Variants in APAF1 observed in about 807,000 individuals in gnomAD.
APAF1 encodes apoptotic protease-activating factor 1.
Under a neutral mutation model 152.4 loss-of-function variants are expected in APAF1, and 91 were observed. The ratio of observed to expected loss-of-function variants is 0.60; its 90% CI spans 0.50 to 0.71. APAF1 has a LOEUF of 0.71. APAF1 is among the 30% of genes least tolerant of loss of function. The pLI, the probability that APAF1 is intolerant of heterozygous loss-of-function variation, is 0.00. For synonymous variants in APAF1, 484 were observed against 494.1 expected (o/e 0.98, Z 0.27); for missense variants, 1,283 against 1,472.0 (o/e 0.87, Z 2.10).
chr12:98,721,748 GA>G (rs1479589696), intron 22 of APAF1, among the ~76,000 whole-genome samples: 4 of 152,168 alleles, frequency 2.6e-5, no homozygotes, highest in Admixed American at 6.6e-5. Context: ...GAAGATGAGA[GA>G]TCTGAAAGCC....
chr12:98,732,833 G>A lies in APAF1; in HGVS notation c.*267G>A. Reference sequence around the variant, plus strand: ...TGAATACATACCTTGTTGTACTGTTGGTAAAATTCTGTCTTGATGCATTCA... The same window carrying A: ...TGAATACATACCTTGTTGTACTGTTAGTAAAATTCTGTCTTGATGCATTCA... On this transcript the variant is annotated 3_prime_UTR_variant, in exon 27 of 27. Coordinates refer to ENST00000551964, the MANE Select transcript of APAF1 (RefSeq NM_181861.2). 3 of 390,690 alleles carry A rather than the reference G, an allele frequency of 7.7e-6. No homozygotes were observed. The highest frequency in any genetic ancestry group is 1.4e-5 in the Non-Finnish European group (3 of 214,002). 24.2% of individuals were successfully genotyped at this position (390,690 alleles called of 1,614,324 possible).
chr12:98,715,550 C>G lies in APAF1; in HGVS notation c.3082C>G (p.Gln1028Glu). The G allele has an allele frequency of 6.2e-7, 1 of 1,613,346 alleles. No homozygotes were observed. Among genetic ancestry groups the G allele is most frequent in the South Asian group, 1.1e-5 (1 of 91,064 alleles). ...TTCAAGTTCTGATGATGCTGAAATT[C>G]AGGTGAGAGGGAGGATGAACTCTTA... ...LISSSDDAEI[Q>E]VWNWQLDKCI... The change falls in exon 22 of 27, where the codon CAG becomes GAG. Residue 1028 changes from glutamine (Q) to glutamate (E), a missense_variant and splice_region_variant. Transcript: ENST00000551964.
intron 4 of APAF1, among the ~76,000 whole-genome samples, chr12:98,650,668 G>T (rs2097647846): frequency 6.6e-6 from 1 of 152,000 alleles, no homozygotes; most frequent in Non-Finnish European, 1.5e-5. Context: ...TTTGTAAGTG[G>T]TATAGACTAT....
At chr12:98,666,079 A>T (rs575073263) in intron 8 of APAF1, 111 bp from the exon 9 acceptor site, 1 of 1,020,922 alleles carries the variant, frequency 9.8e-7, no homozygotes, top group Non-Finnish European at 1.5e-6. Flanking sequence ...AAATGGAGAC[A>T]TTCTTACTCA....
chr12:98,664,964 G>A lies in APAF1; in HGVS notation c.956-589G>A, dbSNP rs547238337. Among the ~76,000 whole-genome samples, 9 of 152,106 alleles carry A rather than the reference G, an allele frequency of 5.9e-5. No individual in the cohort carries two copies. In the South Asian group the frequency reaches 1.9e-3, roughly 31 times the overall value. On this transcript the variant is annotated intron_variant, in intron 7 of 26. Coordinates refer to ENST00000551964, the MANE Select transcript of APAF1 (RefSeq NM_181861.2). Reference sequence around the variant, plus strand: ...AACCACTTCTGTATTATTGGACATTGTTTACGTTGTTTAAGATTTTTTCAC... The same window carrying A: ...AACCACTTCTGTATTATTGGACATTATTTACGTTGTTTAAGATTTTTTCAC...
chr12:98,713,146 C>T (rs757331016), intron 21 of APAF1, among the ~76,000 whole-genome samples: 1 of 152,146 alleles, frequency 6.6e-6, no homozygotes, highest in Non-Finnish European at 1.5e-5. Flanking sequence ...CTAAATAAAT[C>T]TTTCTGTGAT....
chr12:98,683,301 A>T (rs1158760505), intron 15 of APAF1, 27 bp downstream of exon 15: 5 of 1,611,352 alleles, frequency 3.1e-6, no homozygotes, highest in Non-Finnish European at 4.2e-6. Context: ...AGAATTAGGT[A>T]GATAAATTTG....
At chr12:98,667,408 GC>G in intron 9 of APAF1, 104 bp from the exon 10 acceptor site, 1 of 1,422,766 alleles carries the variant, frequency 7.0e-7, no homozygotes, top group South Asian at 1.2e-5. Flanking sequence ...GAGCCACCGA[GC>G]CCGGCCTCTC....
At chr12:98,673,883 G>A (rs970454216) in intron 12 of APAF1, among the ~76,000 whole-genome samples, 7 of 152,204 alleles carry the variant, frequency 4.6e-5, no homozygotes, top group African/African-American at 1.7e-4. Flanking sequence ...GAACTGATAA[G>A]TATTTGGCTT....
intron 10 of APAF1, among the ~76,000 whole-genome samples, chr12:98,669,941 C>T (rs1364263816): frequency 6.7e-6 from 1 of 150,366 alleles, no homozygotes; most frequent in African/African-American, 2.5e-5. Context: ...TGCCCTTGCC[C>T]TTTCTTTGAC....
chr12:98,655,792 T>TA (rs1190827768), intron 4 of APAF1, among the ~76,000 whole-genome samples: 1 of 151,364 alleles, frequency 6.6e-6, no homozygotes, highest in East Asian at 1.9e-4. Context: ...TTTTTCTTTT[T>TA]TTTTTTTTTG....
At chr12:98,665,497 T>C in intron 7 of APAF1, 56 bp from the exon 8 acceptor site, 1 of 1,196,392 alleles carries the variant, frequency 8.4e-7, no homozygotes, top group Non-Finnish European at 1.2e-6. Flanking sequence ...AAGTCGATTC[T>C]TATTAGTGAC....
chr12:98,669,121 A>G (rs1018514560), intron 10 of APAF1, among the ~76,000 whole-genome samples: 6 of 152,352 alleles, frequency 3.9e-5, no homozygotes, highest in East Asian at 1.9e-4. Flanking sequence ...TGGTATTCCA[A>G]TAAATACTTG....
At chr12:98,684,360 ACT>A (rs1195391707) in intron 15 of APAF1, among the ~76,000 whole-genome samples, 1 of 147,124 alleles carries the variant, frequency 6.8e-6, no homozygotes, top group East Asian at 2.0e-4. Flanking sequence ...TTTCTTCTTG[ACT>A]CTCTCTTCCT....
chr12:98,684,526 T>C (rs1277321403), intron 15 of APAF1, among the ~76,000 whole-genome samples: 2 of 120,868 alleles, frequency 1.7e-5, no homozygotes, highest in Non-Finnish European at 3.3e-5. Flanking sequence ...TCTCATTCTC[T>C]CTCATTCCCT....
chr12:98,695,734 G>A (rs2097709182), intron 16 of APAF1, among the ~76,000 whole-genome samples: 2 of 152,228 alleles, frequency 1.3e-5, no homozygotes, highest in Non-Finnish European at 2.9e-5. Flanking sequence ...GCAGAGTGAA[G>A]GGAGGAGATT....
At chr12:98,708,448 AT>A in intron 19 of APAF1, 136 bp from the exon 20 acceptor site, 1 of 912,098 alleles carries the variant, frequency 1.1e-6, no homozygotes, top group Non-Finnish European at 1.6e-6. Flanking sequence ...GTAAATATTT[AT>A]TTTTGGATTA....
At chr12:98,723,861 T>C (rs2153344047) in intron 24 of APAF1, 97 bp downstream of exon 24, 3 of 1,261,546 alleles carry the variant, frequency 2.4e-6, no homozygotes, top group Non-Finnish European at 3.4e-6. Context: ...AGTTGCTCTC[T>C]ACATGTCTGT....
Position 98,735,113 on chromosome 12 carries a change from A to G in APAF1, c.*2547A>G, listed in dbSNP as rs752145548. ...AAAATGGGAAGAAAGACAAGGTAAC[A>G]TGAAGAAAGAAGAGATACCTAGTAT... On this transcript the variant is annotated 3_prime_UTR_variant, in exon 27 of 27. Transcript: ENST00000551964. The G allele has an allele frequency of 2.8e-5, 11 of 398,450 alleles. No homozygotes were observed. The highest frequency in any genetic ancestry group is 1.4e-4 in the East Asian group (4 of 28,078). 24.7% of individuals were successfully genotyped at this position (398,450 alleles called of 1,614,324 possible).
Sources: allele counts gnomAD v4.1 joint callset (sites outside exome capture counted in the v4.1 genomes callset), GRCh38; gene constraint gnomAD v4.1.1; transcripts MANE v1.5; gene names NCBI Gene and HGNC (gene_info 2026-07-23, HGNC 2026-07-21).